The following NSUN6 variants were observed in gnomAD, a reference collection of about 807,000 sequenced individuals.
NSUN6 encodes the protein NOP2/Sun RNA methyltransferase 6.
In NSUN6, 64 loss-of-function variants were observed where a neutral mutation model predicts 58.0. That is an observed-to-expected ratio of 1.10 (90% confidence interval 0.90 to 1.36). NSUN6 has a LOEUF of 1.36. NSUN6 is among the 40% of genes most tolerant of loss of function. The pLI, the probability that NSUN6 is intolerant of heterozygous loss-of-function variation, is 0.00. For missense variants in NSUN6, 701 were observed against 550.1 expected, an observed-to-expected ratio of 1.27 and a Z score of -2.74; for synonymous variants, 231 against 193.9, an observed-to-expected ratio of 1.19 and a Z score of -1.59.
chr10:18,596,469 T>A (rs1470600469), intron 6 of NSUN6, 142 bp from the exon 7 acceptor site: 1 of 573,248 alleles, frequency 1.7e-6, no homozygotes, highest in African/African-American at 1.9e-5. Context: ...ATAAATATAC[T>A]CAGGTTAGGA....
chr10:18,656,737 G>A (rs1039660214), upstream of NSUN6, among the ~76,000 whole-genome samples: 2 of 151,330 alleles, frequency 1.3e-5, no homozygotes, highest in African/African-American at 2.4e-5. Context: ...TTGTTGAACT[G>A]GATAGAGATT....
chr10:18,608,376 C>T (rs1346946127), intron 6 of NSUN6, among the ~76,000 whole-genome samples: 2 of 152,180 alleles, frequency 1.3e-5, no homozygotes, highest in East Asian at 3.9e-4. Context: ...TGGCTTATGC[C>T]TGTAATCCCA....
chr10:18,619,199 C>G (rs1389185778), intron 3 of NSUN6, among the ~76,000 whole-genome samples: 4 of 152,184 alleles, frequency 2.6e-5, no homozygotes. Flanking sequence ...AGAGTGGTGT[C>G]ACTTAGTTTT....
chr10:18,638,968 A>C (rs2059309653), intron 3 of NSUN6, among the ~76,000 whole-genome samples: 1 of 151,222 alleles, frequency 6.6e-6, no homozygotes, highest in Non-Finnish European at 1.5e-5. Context: ...AAAAAAAAAA[A>C]AACTGGCCGG....
At chr10:18,610,033 C>A in intron 5 of NSUN6, 107 bp from the exon 6 acceptor site, 1 of 704,176 alleles carries the variant, frequency 1.4e-6, no homozygotes, top group African/African-American at 1.8e-5. Flanking sequence ...GATGCTCTAT[C>A]TTTTTAAGAA....
chr10:18,618,934 T>C (rs899821042), intron 3 of NSUN6, among the ~76,000 whole-genome samples: 1 of 151,258 alleles, frequency 6.6e-6, no homozygotes, highest in African/African-American at 2.4e-5. Context: ...TATGTTTTAC[T>C]CTTTCATTTT....
In NSUN6 at chr10:18,614,444, G is replaced by T; in HGVS notation, c.575+16C>A. 1 of 1,418,944 alleles carries T rather than the reference G, an allele frequency of 7.0e-7. No individual in the cohort carries two copies. Among genetic ancestry groups the T allele is most frequent in the Non-Finnish European group, 9.3e-7 (1 of 1,070,966 alleles). The allele number at this position is 1,418,944 out of a possible 1,614,324, so 87.9% of individuals were successfully genotyped here. On this transcript the variant is annotated intron_variant, in intron 5 of 10. Transcript: ENST00000377304. ...CAAAAAGGATGCTGATTTCCCCAAA[G>T]CACCTGATGACATACTTCAGTTCAG...
At chr10:18,589,208 C>T (rs1377971834) in intron 7 of NSUN6, among the ~76,000 whole-genome samples, 3 of 151,916 alleles carry the variant, frequency 2.0e-5, no homozygotes, top group African/African-American at 7.3e-5. Context: ...GGCATAAAGA[C>T]AAGATTAGAG....
intron 3 of NSUN6, among the ~76,000 whole-genome samples, chr10:18,632,439 A>C (rs541028034): frequency 2.0e-4 from 29 of 146,592 alleles, no homozygotes; most frequent in Non-Finnish European, 3.9e-4. Context: ...TCTGCACAGC[A>C]AAAGAAACTA....
At position 18,551,670 on chromosome 10, in the gene NSUN6, C is replaced by A. The variant is rs1027103805; in HGVS notation, c.1071+153G>T. ...TAATGTTCCATGTATGGATATAGCA[C>A]ATTCTGTTATCCATGTATCTGTCAA... On this transcript the variant is annotated intron_variant, in intron 9 of 10. Coordinates refer to ENST00000377304, the MANE Select transcript of NSUN6 (RefSeq NM_182543.5). 3 of 589,406 alleles carry A rather than the reference C, an allele frequency of 5.1e-6. No homozygotes were observed. The African/African-American group carries it at 5.6e-5, about 11-fold the overall frequency. The allele number at this position is 589,406 out of a possible 1,614,324, so 36.5% of individuals were successfully genotyped here.
intron 6 of NSUN6, among the ~76,000 whole-genome samples, chr10:18,603,458 TTTTTCTTTTC>T (rs577861731): frequency 6.6e-6 from 1 of 151,674 alleles, no homozygotes; most frequent in Non-Finnish European, 1.5e-5. Flanking sequence ...ATGCACGCTC[TTTTTCTTTTC>T]TTTTCTTTTC....
chr10:18,642,809 C>T (rs1226918540), intron 2 of NSUN6, among the ~76,000 whole-genome samples: 1 of 152,062 alleles, frequency 6.6e-6, no homozygotes, highest in African/African-American at 2.4e-5. Flanking sequence ...AAACACAAAC[C>T]GTGGTTACCC....
chr10:18,651,111 C>T lies in NSUN6; in HGVS notation c.75+18G>A, dbSNP rs934789733. ...TGAGTTTTTGCAAAATATCAACTAA[C>T]ATCTTTACTTGACCTACCTCCTTAT... On this transcript the variant is annotated intron_variant, in intron 1 of 10. Transcript: ENST00000377304. 6.4e-7 allele frequency: 1 copy of T among 1,571,638 alleles called. No homozygotes were observed. Among genetic ancestry groups the T allele is most frequent in the Non-Finnish European group, 8.6e-7 (1 of 1,168,226 alleles).
intron 8 of NSUN6, among the ~76,000 whole-genome samples, chr10:18,560,047 GAATGGAATGAAATGGAA>G (rs61727429): frequency 0.21 from 31,084 of 149,254 alleles, 3,489 homozygotes; most frequent in South Asian, 0.31. Context: ...CTGGAATGGA[GAATGGAATGAAATGGAA>G]AATGGAATGG....
intron 3 of NSUN6, among the ~76,000 whole-genome samples, chr10:18,624,604 T>G (rs560733437): frequency 3.9e-4 from 49 of 124,516 alleles, no homozygotes; most frequent in Admixed American, 1.9e-3. Context: ...TGAGAGCTCC[T>G]GGCACTGAAC....
At chr10:18,634,229 A>G (rs1413219220) in intron 3 of NSUN6, among the ~76,000 whole-genome samples, 1 of 152,232 alleles carries the variant, frequency 6.6e-6, no homozygotes, top group Non-Finnish European at 1.5e-5. Flanking sequence ...AAACCTCATA[A>G]AAGGGATAAA....
chr10:18,546,880 A>G (rs2054297948), intron 10 of NSUN6, among the ~76,000 whole-genome samples: 2 of 152,084 alleles, frequency 1.3e-5, no homozygotes, highest in South Asian at 4.1e-4. Context: ...TCAAAAAACA[A>G]AAAATGAAAG....
intron 6 of NSUN6, among the ~76,000 whole-genome samples, chr10:18,600,391 T>C (rs1312368453): frequency 6.6e-6 from 1 of 151,932 alleles, no homozygotes; most frequent in Non-Finnish European, 1.5e-5. Flanking sequence ...TTCAGAGGCC[T>C]AGGTCGGAGG....
chr10:18,599,655 T>G (rs1283772151), intron 6 of NSUN6, among the ~76,000 whole-genome samples: 1 of 152,142 alleles, frequency 6.6e-6, no homozygotes, highest in African/African-American at 2.4e-5. Context: ...CTTTCAAACA[T>G]CTGACCCAGG....
Sources: gnomAD v4.1 joint callset for allele counts (sites outside exome capture counted in the v4.1 genomes callset) on GRCh38, gnomAD v4.1.1 for gene constraint, MANE v1.5 for transcripts, NCBI Gene and HGNC (gene_info 2026-07-23, HGNC 2026-07-21) for gene names.